GRID2: variants seen among roughly 807,000 people sequenced by gnomAD.
The protein encoded by GRID2 is glutamate ionotropic receptor delta type subunit 2, also known as glutamate receptor ionotropic, delta-2.
A neutral mutation model predicts 114.8 loss-of-function variants in GRID2; 33 were observed. That is an observed-to-expected ratio of 0.29 (90% CI 0.22 to 0.38). GRID2 has a LOEUF of 0.38. GRID2 is among the 10% of genes least tolerant of loss of function. The pLI is 1.00. For synonymous variants in GRID2, 505 were observed against 449.9 expected (o/e 1.12, Z -1.55); for missense variants, 1,184 against 1,257.7 (o/e 0.94, Z 0.89).
intron 2 of GRID2, among the ~76,000 whole-genome samples, chr4:92,618,332 A>C (rs949058160): frequency 6.6e-6 from 1 of 151,554 alleles, no homozygotes; most frequent in South Asian, 2.1e-4. Context: ...TGTATGGATT[A>C]ATTTCTGGGT....
At chr4:92,837,238 T>C (rs770101354) in intron 2 of GRID2, among the ~76,000 whole-genome samples, 2 of 152,086 alleles carry the variant, frequency 1.3e-5, no homozygotes, top group African/African-American at 2.4e-5. Context: ...AATGATCTGC[T>C]GAGTTTCAGT....
chr4:92,634,023 T>C (rs1024424541), intron 2 of GRID2, among the ~76,000 whole-genome samples: 2 of 151,880 alleles, frequency 1.3e-5, no homozygotes, highest in Admixed American at 1.3e-4. Flanking sequence ...AGCAGGGGTG[T>C]CCAATCTTTT....
chr4:93,397,330 T>C (rs1347389492), intron 9 of GRID2, among the ~76,000 whole-genome samples: 1 of 152,014 alleles, frequency 6.6e-6, no homozygotes, highest in African/African-American at 2.4e-5. Context: ...GGTATTGATA[T>C]GCATTTACAT....
intron 8 of GRID2, among the ~76,000 whole-genome samples, chr4:93,343,142 CTGTGTGTGTGTG>C (rs150132437): frequency 2.5e-5 from 1 of 40,116 alleles, no homozygotes; most frequent in Admixed American, 2.3e-4. Context: ...TGTGAGGTGA[CTGTGTGTGTGTG>C]TGTGTGTGTG....
At chr4:93,118,005 C>T (rs981248968) in intron 4 of GRID2, among the ~76,000 whole-genome samples, 3 of 152,114 alleles carry the variant, frequency 2.0e-5, no homozygotes, top group African/African-American at 7.2e-5. Context: ...CAAGAATCCT[C>T]TATGTTCCCA....
At chr4:92,943,331 A>G (rs560417661) in intron 2 of GRID2, among the ~76,000 whole-genome samples, 52 of 151,906 alleles carry the variant, frequency 3.4e-4, no homozygotes, top group Admixed American at 7.2e-4. Flanking sequence ...CATTCATTTC[A>G]TCTTCCATCA....
intron 1 of GRID2, among the ~76,000 whole-genome samples, chr4:92,370,377 C>T (rs1729063237): frequency 6.6e-6 from 1 of 152,106 alleles, no homozygotes; most frequent in African/African-American, 2.4e-5. Flanking sequence ...ATTGGCCGGG[C>T]ACAGTGGCTC....
intron 8 of GRID2, chr4:93,306,345 C>G (rs1437622848): frequency 6.6e-6 from 1 of 152,224 alleles, no homozygotes. Flanking sequence ...TTTCATTCGT[C>G]TCAGAAGCTT....
chr4:93,597,426 C>G (rs961482437), intron 13 of GRID2, among the ~76,000 whole-genome samples: 3 of 152,146 alleles, frequency 2.0e-5, no homozygotes, highest in Admixed American at 6.5e-5. Flanking sequence ...AAACAGAATG[C>G]AAGAGACTTA....
chr4:93,038,660 G>A (rs1725170816), intron 2 of GRID2, among the ~76,000 whole-genome samples: 1 of 151,998 alleles, frequency 6.6e-6, no homozygotes, highest in African/African-American at 2.4e-5. Context: ...GCGTGGTGGT[G>A]GGCACCTGTA....
At chr4:93,093,219 C>T (rs1174956704) in intron 3 of GRID2, among the ~76,000 whole-genome samples, 1 of 152,018 alleles carries the variant, frequency 6.6e-6, no homozygotes, top group Non-Finnish European at 1.5e-5. Flanking sequence ...AATGTCAGGT[C>T]ATTCATAGAT....
intron 14 of GRID2, among the ~76,000 whole-genome samples, chr4:93,705,607 C>A (rs1230042348): frequency 6.6e-6 from 1 of 152,122 alleles, no homozygotes; most frequent in Non-Finnish European, 1.5e-5. Flanking sequence ...GGATAGTTTG[C>A]AAATATTTTT....
intron 1 of GRID2, among the ~76,000 whole-genome samples, chr4:92,494,964 A>T (rs1315438112): frequency 6.6e-6 from 1 of 152,054 alleles, no homozygotes; most frequent in African/African-American, 2.4e-5. Context: ...TATTATTGGG[A>T]TGAAGCACAA....
chr4:92,624,286 G>A (rs921908194), intron 2 of GRID2, among the ~76,000 whole-genome samples: 2 of 151,764 alleles, frequency 1.3e-5, no homozygotes, highest in South Asian at 2.1e-4. Flanking sequence ...AGAGGAACTC[G>A]GGCAGTCTGG....
At chr4:93,490,998 T>C (rs1726945321) in intron 12 of GRID2, among the ~76,000 whole-genome samples, 2 of 152,060 alleles carry the variant, frequency 1.3e-5, no homozygotes, top group East Asian at 3.9e-4. Context: ...GGCTATGATT[T>C]CAATGTTGCT....
chr4:92,418,574 C>A (rs1259066567), intron 1 of GRID2, among the ~76,000 whole-genome samples: 2 of 151,876 alleles, frequency 1.3e-5, no homozygotes, highest in Non-Finnish European at 2.9e-5. Context: ...GGAGGCAGAT[C>A]AGAGATTTAA....
At chr4:93,087,046 A>ATTTATTTT (rs1219739102) in intron 3 of GRID2, among the ~76,000 whole-genome samples, 2 of 151,418 alleles carry the variant, frequency 1.3e-5, no homozygotes, top group African/African-American at 4.9e-5. Flanking sequence ...TTATTTATTT[A>ATTTATTTT]TTTTTTGAGA....
chr4:92,311,586 TAATTA>T lies in GRID2; in HGVS notation c.88+6845_88+6849del, dbSNP rs567876009. ...GCATATGTTTTTCTTTAAACTAAAATAATTAAAAGTACTATTTTAAAAAATAATCT... is the reference window on the plus strand; with the variant it reads ...GCATATGTTTTTCTTTAAACTAAAATAAAGTACTATTTTAAAAAATAATCT... On this transcript the variant is annotated intron_variant, in intron 1 of 15. Coordinates refer to ENST00000282020, the MANE Select transcript of GRID2 (RefSeq NM_001510.4). 6.6e-5 allele frequency among the ~76,000 whole-genome samples: 10 copies of T among 152,248 alleles called. No homozygotes were observed. In the South Asian group the frequency reaches 2.1e-3, roughly 32 times the overall value.
intron 1 of GRID2, among the ~76,000 whole-genome samples, chr4:92,559,101 AAAAGT>A (rs1172877880): frequency 6.6e-6 from 1 of 152,190 alleles, no homozygotes; most frequent in Non-Finnish European, 1.5e-5. Flanking sequence ...CCTATAACTT[AAAAGT>A]AAATTATTCC....
Sources: allele counts gnomAD v4.1 joint callset (sites outside exome capture counted in the v4.1 genomes callset), GRCh38; gene constraint gnomAD v4.1.1; transcripts MANE v1.5; gene names NCBI Gene and HGNC (gene_info 2026-07-23, HGNC 2026-07-21).